Variants in EMC1 observed in about 807,000 individuals in gnomAD.
EMC1 encodes the protein KIAA0090.
In EMC1, 103 loss-of-function variants were observed where a neutral mutation model predicts 128.8. That is an observed-to-expected ratio of 0.80 (90% CI 0.68 to 0.94). EMC1 has a LOEUF of 0.94. Ranked by LOEUF, EMC1 falls within the 40% of genes least tolerant of loss-of-function variation. EMC1 has a pLI of 0.00. For missense variants in EMC1, 1,083 were observed against 1,250.6 expected, an observed-to-expected ratio of 0.87 and a Z score of 2.02; for synonymous variants, 442 against 490.4, an observed-to-expected ratio of 0.90 and a Z score of 1.30.
Position 19,237,210 on chromosome 1 carries a change from T to A in EMC1, c.1241A>T (p.Asp414Val), listed in dbSNP as rs1027666644. Reference sequence around the variant, plus strand: ...CAAAGCCCGGTAGCCCACTGAGTCATCCTTCTTCAAGAACACCTGGATATA... The same window carrying A: ...CAAAGCCCGGTAGCCCACTGAGTCAACCTTCTTCAAGAACACCTGGATATA... Reference protein sequence around the residue: ...RLYIQVFLKKDDSVGYRALVQ... With the variant: ...RLYIQVFLKKVDSVGYRALVQ... Residue 414 changes from aspartate to valine, a missense_variant, in exon 12 of 23, where the codon GAT (aspartate) becomes GTT (valine). By Grantham distance (152) the Asp-to-Val change is radical. This residue lies in a region of EMC1 where 544 missense variants were observed against 572.4 expected (regional missense o/e 0.95). Coordinates refer to ENST00000477853, the MANE Select transcript of EMC1 (RefSeq NM_015047.3). 1 of 1,613,918 alleles carries A rather than the reference T, an allele frequency of 6.2e-7. No homozygotes were observed. Among genetic ancestry groups the A allele is most frequent in the African/African-American group, 1.3e-5 (1 of 74,898 alleles).
chr1:19,234,411 G>A (rs1389156335), intron 13 of EMC1, among the ~76,000 whole-genome samples: 2 of 152,170 alleles, frequency 1.3e-5, no homozygotes, highest in Non-Finnish European at 2.9e-5. Flanking sequence ...GCTTTAGAGG[G>A]CACTGGGCTG....
In EMC1 at chr1:19,240,346, T is replaced by C. The variant is rs200901424; in HGVS notation, c.737A>G (p.Gln246Arg). The C allele has an allele frequency of 2.5e-6, 4 of 1,614,198 alleles. No homozygotes were observed. Among genetic ancestry groups the C allele is most frequent in the Non-Finnish European group, 3.4e-6 (4 of 1,180,028 alleles). Residue 246 changes from glutamine (Q) to arginine (R), a missense_variant, in exon 7 of 23, where the codon CAA (glutamine) becomes CGA (arginine). By Grantham distance (43) the Gln-to-Arg change is conservative (BLOSUM62 1). Transcript: ENST00000477853. The part of the protein sequence containing the change: ...VCPDPSSRSL[Q>R]TLALETEWEL... ...CCATTCCGTCTCCAGAGCCAAAGTT[T>C]GGAGGGAACGTGAGCTCGGGTCAGG...
intron 10 of EMC1, 23 bp downstream of exon 10, chr1:19,238,772 T>C: frequency 6.4e-7 from 1 of 1,571,856 alleles, no homozygotes; most frequent in Non-Finnish European, 8.8e-7. Flanking sequence ...AGGTCTGGCA[T>C]ACTGCCCAGT....
chr1:19,230,103 G>A (rs893518763), intron 17 of EMC1, among the ~76,000 whole-genome samples: 1 of 152,196 alleles, frequency 6.6e-6, no homozygotes, highest in Non-Finnish European at 1.5e-5. Context: ...TTGGTCTCAA[G>A]TATGTGAGGA....
chr1:19,232,687 C>A lies in EMC1; in HGVS notation c.1719G>T (p.Met573Ile). Reference sequence around the variant, plus strand: ...GGAAATGAGCAGTAGTTCTCTGGACCATCAGTTTAAAGGAGGAGTCTGGCT... The same window carrying A: ...GGAAATGAGCAGTAGTTCTCTGGACAATCAGTTTAAAGGAGGAGTCTGGCT... ...NVKPDSSFKLMVQRTTAHFPH... is the reference protein window; with the variant it reads ...NVKPDSSFKLIVQRTTAHFPH... Residue 573 changes from methionine (M) to isoleucine (I), a missense_variant, in exon 15 of 23, where the codon ATG (methionine) becomes ATT (isoleucine). Coordinates refer to ENST00000477853, the MANE Select transcript of EMC1 (RefSeq NM_015047.3). 1 of 1,614,164 alleles carries A rather than the reference C, an allele frequency of 6.2e-7. No individual in the cohort carries two copies. Among genetic ancestry groups the A allele is most frequent in the Non-Finnish European group, 8.5e-7 (1 of 1,180,020 alleles).
At chr1:19,226,890 C>T (rs1215059837) in intron 18 of EMC1, among the ~76,000 whole-genome samples, 1 of 152,048 alleles carries the variant, frequency 6.6e-6, no homozygotes, top group Non-Finnish European at 1.5e-5. Context: ...AAAAAATTAG[C>T]ATGACATGTG....
Position 19,219,709 on chromosome 1 carries a change from C to T in EMC1, c.2673-11G>A, listed in dbSNP as rs371960293. 1.9e-6 allele frequency: 3 copies of T among 1,613,902 alleles called. No individual in the cohort carries two copies. Among genetic ancestry groups the T allele is most frequent in the African/African-American group, 2.7e-5 (2 of 74,908 alleles). ...ATTAAGTTCTCCTCTCTGCAAAACACCAGCCGGGACAGGCAGTCTGAGCAC... is the reference window on the plus strand; with the variant it reads ...ATTAAGTTCTCCTCTCTGCAAAACATCAGCCGGGACAGGCAGTCTGAGCAC... On this transcript the variant is annotated splice_polypyrimidine_tract_variant and intron_variant, in intron 21 of 22. Transcript: ENST00000477853.
intron 17 of EMC1, 138 bp downstream of exon 17, chr1:19,230,706 T>G (rs2093514523): frequency 1.7e-6 from 2 of 1,166,618 alleles, no homozygotes; most frequent in Non-Finnish European, 2.4e-6. Flanking sequence ...AACAAATGAT[T>G]GACTTTGTAT....
rs2093593854 is a variant in EMC1 at position 19,239,899 on chromosome 1, G to T, written c.873C>A (p.Phe291Leu). Residue 291 changes from phenylalanine to leucine, a missense_variant, in exon 8 of 23, where the codon TTC becomes TTA. Transcript: ENST00000477853. ...PNPVDASRAQ[F>L]FLHLSPSHYA... ...AGTGGCTTGGGGACAAGTGCAGGAA[G>T]AACTGGGCCCGGGAAGCGTCCACTG... 3 of 1,614,028 alleles carry T rather than the reference G, an allele frequency of 1.9e-6. No individual in the cohort carries two copies. Among genetic ancestry groups the T allele is most frequent in the Non-Finnish European group, 2.5e-6 (3 of 1,179,992 alleles).
intron 16 of EMC1, 104 bp downstream of exon 16, chr1:19,231,157 G>C (rs552578788): frequency 7.2e-7 from 1 of 1,386,824 alleles, no homozygotes; most frequent in Non-Finnish European, 9.9e-7. Context: ...GCCCAAACAC[G>C]TGCTGGGTGC....
rs761090306 is a variant in EMC1, at chr1:19,251,493, G to A, written c.17C>T (p.Ala6Val). The change falls in exon 1 of 23, where the codon GCT (alanine) becomes GTT (valine). Residue 6 changes from alanine to valine, a missense_variant. Around this residue, in one of 3 missense-constraint regions of EMC1, gnomAD observed 544 missense variants for 572.4 expected, o/e 0.95. Transcript: ENST00000477853. MAAEW[A>V]SRFWLWATLL... ...CGTAGCCCAAAGCCAGAAACGAGAA[G>A]CCCACTCAGCCGCCATGATGCGAGC... is the stretch of plus-strand genomic sequence containing the variant. The A allele has an allele frequency of 8.1e-6, 13 of 1,614,004 alleles. No homozygotes were observed. The South Asian group carries it at 1.3e-4, about 16-fold the overall frequency.
At position 19,216,211 on chromosome 1, in the gene EMC1, T is replaced by G. The variant is rs1412255253; in HGVS notation, c.*3092A>C. The G allele has an allele frequency of 2.3e-5, 3 of 130,820 alleles. No homozygotes were observed. Among genetic ancestry groups the G allele is most frequent in the African/African-American group, 8.5e-5 (3 of 35,200 alleles). 8.1% of individuals were successfully genotyped at this position (130,820 alleles called of 1,614,324 possible). A position where few individuals can be genotyped will look rare whatever the true frequency, so the allele number is the denominator to read the frequency against. On this transcript the variant is annotated 3_prime_UTR_variant, in exon 23 of 23. Transcript: ENST00000477853. ...ATGACTGTGCCACTGCTCTCCAGCCTGGGTGACAGAGACCCTGCCTCCAAA... is the reference window on the plus strand; with the variant it reads ...ATGACTGTGCCACTGCTCTCCAGCCGGGGTGACAGAGACCCTGCCTCCAAA...
At chr1:19,243,320 G>T (rs367921384) in intron 4 of EMC1, among the ~76,000 whole-genome samples, 1 of 152,280 alleles carries the variant, frequency 6.6e-6, no homozygotes. Context: ...CTAAACAGTG[G>T]AAGTTTTATA....
chr1:19,240,176 C>G, intron 7 of EMC1, 121 bp downstream of exon 7: 2 of 1,354,230 alleles, frequency 1.5e-6, no homozygotes, highest in Non-Finnish European at 2.0e-6. Flanking sequence ...AGCCAGAGGC[C>G]TGAATGGCTT....
intron 12 of EMC1, among the ~76,000 whole-genome samples, chr1:19,236,724 T>C (rs899999811): frequency 6.6e-6 from 1 of 150,418 alleles, no homozygotes; most frequent in Non-Finnish European, 1.5e-5. Flanking sequence ...TCCCAGCACT[T>C]TGGGAGGCCG....
At chr1:19,238,258 T>C in intron 10 of EMC1, 119 bp from the exon 11 acceptor site, 3 of 1,125,320 alleles carry the variant, frequency 2.7e-6, no homozygotes, top group Non-Finnish European at 3.8e-6. Flanking sequence ...GAAGGGGAAA[T>C]ATATGCAAAG....
In EMC1 at chr1:19,230,650, G is replaced by A. The variant is rs371112532; in HGVS notation, c.2064+194C>T. Among the ~76,000 whole-genome samples, 81 of 152,142 alleles carry A rather than the reference G, an allele frequency of 5.3e-4. 2 individuals are homozygous for A. In the South Asian group the frequency reaches 0.014, roughly 27 times the overall value. ...TCTACTGTGCACCACTCCATCCACA[G>A]CACCTAGAACCGTATCTGCCATGTA... On this transcript the variant is annotated intron_variant, in intron 17 of 22. Transcript: ENST00000477853.
At chr1:19,249,383 T>G (rs983003379) in intron 1 of EMC1, among the ~76,000 whole-genome samples, 1 of 152,194 alleles carries the variant, frequency 6.6e-6, no homozygotes, top group Non-Finnish European at 1.5e-5. Flanking sequence ...CCATACATTT[T>G]CTATGTTTAG....
chr1:19,248,857 T>G (rs1281432158), intron 1 of EMC1, among the ~76,000 whole-genome samples: 3 of 152,056 alleles, frequency 2.0e-5, no homozygotes, highest in Admixed American at 2.0e-4. Flanking sequence ...AAAAAAAAAT[T>G]TTAGTATTGT....
Sources: allele counts gnomAD v4.1 joint callset (sites outside exome capture counted in the v4.1 genomes callset), GRCh38; gene constraint gnomAD v4.1.1; regional missense constraint gnomAD v4.1.1; transcripts MANE v1.5; gene names NCBI Gene and HGNC (gene_info 2026-07-23, HGNC 2026-07-21).